Variants in PASK observed in about 807,000 individuals in gnomAD.
PASK encodes the protein PAS domain containing serine/threonine kinase.
In PASK, 110 loss-of-function variants were observed where a neutral mutation model predicts 121.0. The ratio of observed to expected loss-of-function variants is 0.91; its 90% CI spans 0.78 to 1.06. The LOEUF (loss-of-function observed/expected upper bound fraction) is 1.06, where lower values mean the gene tolerates loss of function less well. Among genes scored for constraint, PASK ranks in the 50% least tolerant of loss-of-function variants. The pLI is 0.00. For missense variants in PASK, 1,643 were observed against 1,702.3 expected, an observed-to-expected ratio of 0.97 and a Z score of 0.61; for synonymous variants, 686 against 717.8, an observed-to-expected ratio of 0.96 and a Z score of 0.71.
intron 15 of PASK, among the ~76,000 whole-genome samples, chr2:241,110,902 A>G: frequency 6.6e-6 from 1 of 152,206 alleles, no homozygotes; most frequent in East Asian, 1.9e-4. Flanking sequence ...GTGGCTCTGA[A>G]GATGCATGGA....
chr2:241,118,102 A>G (rs139948599), intron 12 of PASK, among the ~76,000 whole-genome samples: 14 of 152,344 alleles, frequency 9.2e-5, no homozygotes, highest in Non-Finnish European at 2.1e-4. Flanking sequence ...TACAGATTCA[A>G]TGTGATTCCT....
Position 241,112,305 on chromosome 2 carries a change from T to G in PASK, c.3468A>C (p.Gly1156=). The G allele has an allele frequency of 6.2e-7, 1 of 1,613,562 alleles. No individual in the cohort carries two copies. Among genetic ancestry groups the G allele is most frequent in the Non-Finnish European group, 8.5e-7 (1 of 1,179,810 alleles). Reference sequence around the variant, plus strand: ...TCCCACAAAAAGTATAAAATAATTTTCCCCTTTCCAAGTAGGCGGCCGAGC... The same window carrying G: ...TCCCACAAAAAGTATAAAATAATTTGCCCCTTTCCAAGTAGGCGGCCGAGC... ...DFGSAAYLER[G]KLFYTFCGTI... Residue 1156 remains glycine, a synonymous_variant, in exon 15 of 18, where the codon GGA becomes GGC. Coordinates refer to ENST00000234040, the MANE Select transcript of PASK (RefSeq NM_015148.4). This position sits in a 1 kb window ranked among gnomAD's most constrained non-coding sequence, Gnocchi z 5.2.
rs2125427115 is a variant in PASK at position 241,126,238 on chromosome 2, C to T, written c.2677G>A (p.Ala893Thr). Reference sequence around the variant, plus strand: ...CGATGGTAGCAGCTCCCGGAGTAGGCACCCTCCTGGATCTCCCGCTGCAGG... The same window carrying T: ...CGATGGTAGCAGCTCCCGGAGTAGGTACCCTCCTGGATCTCCCGCTGCAGG... Reference protein sequence around the residue: ...AGLQREIQEGAYSGSCYHRDG... With the variant: ...AGLQREIQEGTYSGSCYHRDG... Residue 893 changes from alanine to threonine, a missense_variant, in exon 10 of 18, where the codon GCC (alanine) becomes ACC (threonine). This residue lies in a region of PASK where 1,176 missense variants were observed against 1,162.2 expected (regional missense o/e 1.01). Coordinates refer to ENST00000234040, the MANE Select transcript of PASK (RefSeq NM_015148.4). 3 of 1,614,116 alleles carry T rather than the reference C, an allele frequency of 1.9e-6. No homozygotes were observed. The highest frequency in any genetic ancestry group is 2.5e-6 in the Non-Finnish European group (3 of 1,180,024).
Position 241,138,170 on chromosome 2 carries a change from A to G in PASK, c.742-83T>C, listed in dbSNP as rs2066530842. ...AACTAAGCTTCAATATGTTCAAGCCAAAAGCAAGACCCCAACATGACTTCT... is the reference window on the plus strand; with the variant it reads ...AACTAAGCTTCAATATGTTCAAGCCGAAAGCAAGACCCCAACATGACTTCT... On this transcript the variant is annotated intron_variant, in intron 5 of 17. Transcript: ENST00000234040. 5 of 1,448,980 alleles carry G rather than the reference A, an allele frequency of 3.5e-6. No homozygotes were observed. The African/African-American group carries it at 7.0e-5, about 20-fold the overall frequency. The allele number at this position is 1,448,980 out of a possible 1,614,324, so 89.8% of individuals were successfully genotyped here.
chr2:241,146,302 T>G (rs1377906762), intron 1 of PASK, among the ~76,000 whole-genome samples: 1 of 152,186 alleles, frequency 6.6e-6, no homozygotes, highest in African/African-American at 2.4e-5. Context: ...AGAAAACAAT[T>G]CAAGTGAAAC....
At position 241,136,021 on chromosome 2, in the gene PASK, G is replaced by GA. The variant is rs1559391435; in HGVS notation, c.1155dup (p.Pro386SerfsTer29). ...AGGTCCATGTAGCTGTAGAAACCAGGAATCAGGAAAGTGATATTCTAGAAA... is the reference window on the plus strand; with the variant it reads ...AGGTCCATGTAGCTGTAGAAACCAGGAAATCAGGAAAGTGATATTCTAGAAA... On this transcript the variant is annotated frameshift_variant, in exon 8 of 18. Transcript: ENST00000234040. LOFTEE classifies it high-confidence loss of function. 2 of 1,614,060 alleles carry GA rather than the reference G, an allele frequency of 1.2e-6. No homozygotes were observed. Among genetic ancestry groups the GA allele is most frequent in the South Asian group, 1.1e-5 (1 of 91,076 alleles).
chr2:241,149,783 C>T (rs1575369424), upstream of PASK: 1 of 1,535,536 alleles, frequency 6.5e-7, no homozygotes, highest in Non-Finnish European at 8.7e-7. Context: ...GTTCATGGGC[C>T]GGGTGGCTCC....
At position 241,108,035 on chromosome 2, in the gene PASK, G is replaced by A; in HGVS notation, c.3667+132C>T. 2 of 908,728 alleles carry A rather than the reference G, an allele frequency of 2.2e-6. No homozygotes were observed. Among genetic ancestry groups the A allele is most frequent in the South Asian group, 1.3e-5 (1 of 75,200 alleles). The allele number at this position is 908,728 out of a possible 1,614,324, so 56.3% of individuals were successfully genotyped here. A position where few individuals can be genotyped will look rare whatever the true frequency, so the allele number is the denominator to read the frequency against. ...TTTTAAAGTCATATGCAAATTATTTGATGAATAGAAAAGAAACAAATGAGA... is the reference window on the plus strand; with the variant it reads ...TTTTAAAGTCATATGCAAATTATTTAATGAATAGAAAAGAAACAAATGAGA... On this transcript the variant is annotated intron_variant, in intron 16 of 17. Transcript: ENST00000234040. This position sits in a 1 kb window ranked among gnomAD's most constrained non-coding sequence, Gnocchi z 5.2.
intron 8 of PASK, chr2:241,134,395 G>C (rs1195802387): frequency 2.0e-5 from 3 of 152,248 alleles, no homozygotes; most frequent in Non-Finnish European, 4.4e-5. Flanking sequence ...GGAAAGCCGG[G>C]ATTGTAAGGA....
chr2:241,122,586 C>T, intron 12 of PASK, 146 bp downstream of exon 12: 1 of 776,282 alleles, frequency 1.3e-6, no homozygotes, highest in Admixed American at 1.9e-5. Context: ...CTCTTTGAAT[C>T]CGGAAACCGC....
Position 241,147,524 on chromosome 2 carries a change from G to A in PASK, c.-43+1890C>T, listed in dbSNP as rs1393291819. 3.9e-5 allele frequency among the ~76,000 whole-genome samples: 6 copies of A among 152,252 alleles called. No individual in the cohort carries two copies. The East Asian group carries it at 9.6e-4, about 24-fold the overall frequency. ...TAGTCCCAGCTGCTTGGGAGGTTGAGGTGGGAGAATCGCTTCAGCCCAGGA... is the reference window on the plus strand; with the variant it reads ...TAGTCCCAGCTGCTTGGGAGGTTGAAGTGGGAGAATCGCTTCAGCCCAGGA... On this transcript the variant is annotated intron_variant, in intron 1 of 17. Coordinates refer to ENST00000234040, the MANE Select transcript of PASK (RefSeq NM_015148.4).
intron 12 of PASK, among the ~76,000 whole-genome samples, chr2:241,120,763 A>G (rs1316915446): frequency 1.3e-5 from 2 of 152,262 alleles, no homozygotes; most frequent in Non-Finnish European, 2.9e-5. Context: ...AAAACTGTTC[A>G]GCAGTTCCTC....
Position 241,132,993 on chromosome 2 carries a change from A to T in PASK, c.1344T>A (p.Val448=). 6.2e-7 allele frequency: 1 copy of T among 1,614,162 alleles called. No individual in the cohort carries two copies. The highest frequency in any genetic ancestry group is 8.5e-7 in the Non-Finnish European group (1 of 1,180,010). The change falls in exon 9 of 18, where the codon GTT becomes GTA. Residue 448 remains valine, a synonymous_variant. Transcript: ENST00000234040. ...GCTTCCGGATCTCATCTCGGGGCAC[A>T]ACGTGGCCACCAGCAAGCACGACAT... ...RINVVLAGGH[V]VPRDEIRKLM... is the part of the protein sequence containing the mutation.
intron 1 of PASK, among the ~76,000 whole-genome samples, chr2:241,147,643 T>C (rs1336254877): frequency 1.3e-5 from 2 of 152,066 alleles, no homozygotes; most frequent in Admixed American, 1.3e-4. Context: ...AATAAAAAAG[T>C]AATATAACTA....
chr2:241,145,575 A>C (rs2066914580), intron 1 of PASK, among the ~76,000 whole-genome samples: 1 of 152,078 alleles, frequency 6.6e-6, no homozygotes, highest in Admixed American at 6.6e-5. Flanking sequence ...GCTATAAAAT[A>C]AGATTAATAA....
In PASK at chr2:241,149,346, G is replaced by C. The variant is rs2067165902; in HGVS notation, c.-43+68C>G. On this transcript the variant is annotated intron_variant, in intron 1 of 17. Transcript: ENST00000234040. The stretch of plus-strand genomic sequence containing the variant: ...TCCTGGGCCAGGGGCGCGGAGCCGC[G>C]CAGGCCCCACAGCCGCCCTGGGGAG... 1.4e-5 allele frequency: 4 copies of C among 282,652 alleles called. No individual in the cohort carries two copies. In the South Asian group the frequency reaches 2.3e-4, roughly 17 times the overall value. 17.5% of individuals were successfully genotyped at this position (282,652 alleles called of 1,614,324 possible). A position where few individuals can be genotyped will look rare whatever the true frequency, so the allele number is the denominator to read the frequency against.
At chr2:241,123,635 A>G (rs996537732) in intron 11 of PASK, among the ~76,000 whole-genome samples, 2 of 152,086 alleles carry the variant, frequency 1.3e-5, no homozygotes, top group African/African-American at 4.8e-5. Context: ...CCTTGCCAAC[A>G]TGGAGAAACC....
At chr2:241,110,886 T>A (rs1181927143) in intron 15 of PASK, among the ~76,000 whole-genome samples, 1 of 152,180 alleles carries the variant, frequency 6.6e-6, no homozygotes, top group East Asian at 1.9e-4. Flanking sequence ...TATTTCACGC[T>A]GTTTGGTGGC....
rs768316537 is a variant in PASK, at chr2:241,106,541, G to C, written c.*25C>G. 2.4e-5 allele frequency: 39 copies of C among 1,612,752 alleles called. No individual in the cohort carries two copies. Among genetic ancestry groups the C allele is most frequent in the Non-Finnish European group, 3.2e-5 (38 of 1,178,698 alleles). ...ACTGTGTGATTTTCCAAACCAAGTG[G>C]AGAAAAGCAGGAAGAAATTGGTGTT... On this transcript the variant is annotated 3_prime_UTR_variant, in exon 18 of 18. Transcript: ENST00000234040.
Sources: allele counts gnomAD v4.1 joint callset (sites outside exome capture counted in the v4.1 genomes callset), GRCh38; gene constraint gnomAD v4.1.1; regional missense constraint gnomAD v4.1.1; non-coding constraint Gnocchi (gnomAD v3.1); transcripts MANE v1.5; gene names NCBI Gene and HGNC (gene_info 2026-07-23, HGNC 2026-07-21).